Variants in DCC observed in about 807,000 individuals in gnomAD.
DCC encodes DCC netrin 1 receptor, also known as netrin receptor DCC.
DCC carries 58 observed loss-of-function variants against 172.5 expected under a neutral mutation model. That is an observed-to-expected ratio of 0.34 (90% CI 0.27 to 0.42). The LOEUF (loss-of-function observed/expected upper bound fraction) is 0.42, where lower values mean the gene tolerates loss of function less well. Ranked by LOEUF, DCC falls within the 10% of genes least tolerant of loss-of-function variation. The pLI is 1.00. For synonymous variants in DCC, 709 were observed against 644.5 expected, an observed-to-expected ratio of 1.10 and a Z score of -1.52; for missense variants, 1,740 against 1,791.0, an observed-to-expected ratio of 0.97 and a Z score of 0.51.
chr18:53,364,120 A>G (rs1181197360), intron 15 of DCC, among the ~76,000 whole-genome samples: 2 of 152,130 alleles, frequency 1.3e-5, no homozygotes, highest in Admixed American at 1.3e-4. Context: ...TTATGGTTGA[A>G]TAGAAAGAGC....
At chr18:53,215,391 ATC>A (rs2055830243) in intron 11 of DCC, among the ~76,000 whole-genome samples, 155 bp from the exon 12 acceptor site, 1 of 152,112 alleles carries the variant, frequency 6.6e-6, no homozygotes, top group African/African-American at 2.4e-5. Context: ...GTTATTTTTC[ATC>A]TCTCCAAAAA....
intron 5 of DCC, among the ~76,000 whole-genome samples, chr18:53,027,135 T>C (rs2041965938): frequency 6.6e-6 from 1 of 152,166 alleles, no homozygotes; most frequent in South Asian, 2.1e-4. Context: ...CATAACAGCC[T>C]GGAAAAGCAT....
intron 3 of DCC, among the ~76,000 whole-genome samples, chr18:52,909,227 TTACA>T (rs2039933021): frequency 6.6e-6 from 1 of 152,146 alleles, no homozygotes; most frequent in Non-Finnish European, 1.5e-5. Context: ...CAGTAATAAA[TTACA>T]TATATAATAC....
chr18:52,917,677 G>A (rs575725172), intron 3 of DCC, among the ~76,000 whole-genome samples: 3 of 152,292 alleles, frequency 2.0e-5, no homozygotes, highest in African/African-American at 4.8e-5. Flanking sequence ...GGCACCCTGT[G>A]TAGCCTGAGA....
chr18:52,654,778 G>A (rs543301749), intron 1 of DCC, among the ~76,000 whole-genome samples: 9 of 152,208 alleles, frequency 5.9e-5, no homozygotes, highest in African/African-American at 1.7e-4. Context: ...CTTCCCTGTA[G>A]GGTTAAATTT....
chr18:52,518,355 C>A (rs2031704011), intron 1 of DCC, among the ~76,000 whole-genome samples: 1 of 152,080 alleles, frequency 6.6e-6, no homozygotes, highest in Non-Finnish European at 1.5e-5. Flanking sequence ...TTGGACCTTG[C>A]AAGTTGCAAT....
At chr18:52,470,071 C>T (rs1024826853) in intron 1 of DCC, among the ~76,000 whole-genome samples, 9 of 152,172 alleles carry the variant, frequency 5.9e-5, no homozygotes, top group Non-Finnish European at 1.5e-5. Flanking sequence ...CACAGTCAGT[C>T]AAATATGTAT....
chr18:52,710,796 G>C (rs1447581890), intron 1 of DCC, among the ~76,000 whole-genome samples: 2 of 152,152 alleles, frequency 1.3e-5, no homozygotes, highest in Admixed American at 6.5e-5. Context: ...ATAAAGAACC[G>C]GCCAAAAGTA....
At chr18:53,275,222 A>G (rs1311209214) in intron 12 of DCC, among the ~76,000 whole-genome samples, 1 of 152,122 alleles carries the variant, frequency 6.6e-6, no homozygotes, top group Non-Finnish European at 1.5e-5. Context: ...AGAGAACAAC[A>G]TATACCCATA....
intron 7 of DCC, among the ~76,000 whole-genome samples, chr18:53,083,387 C>T (rs2144142352): frequency 6.6e-6 from 1 of 152,194 alleles, no homozygotes; most frequent in Non-Finnish European, 1.5e-5. Flanking sequence ...CATGAAAGAA[C>T]ACTGGCAATA....
At chr18:52,431,050 C>T (rs1325150468) in intron 1 of DCC, among the ~76,000 whole-genome samples, 1 of 152,154 alleles carries the variant, frequency 6.6e-6, no homozygotes, top group Admixed American at 6.5e-5. Flanking sequence ...AAAGGTACTT[C>T]CACTTGCCCT....
intron 2 of DCC, among the ~76,000 whole-genome samples, chr18:52,836,860 A>G (rs1368284525): frequency 6.6e-6 from 1 of 152,172 alleles, no homozygotes; most frequent in East Asian, 1.9e-4. Context: ...TTTCCCTTCT[A>G]TACTGCCCTA....
chr18:53,239,271 T>C (rs1012481760), intron 12 of DCC, among the ~76,000 whole-genome samples: 1 of 150,208 alleles, frequency 6.7e-6, no homozygotes, highest in Non-Finnish European at 1.5e-5. Flanking sequence ...TTCTCCATTT[T>C]ATAGTTACAG....
At chr18:53,318,664 C>T (rs1252799562) in intron 13 of DCC, among the ~76,000 whole-genome samples, 1 of 151,836 alleles carries the variant, frequency 6.6e-6, no homozygotes, top group South Asian at 2.1e-4. Flanking sequence ...TCTGGGTGCT[C>T]CTGTATTGGG....
intron 23 of DCC, among the ~76,000 whole-genome samples, chr18:53,455,869 A>C (rs562961625): frequency 1.6e-4 from 25 of 152,340 alleles, no homozygotes; most frequent in South Asian, 1.0e-3. Flanking sequence ...TTAAGCTTTC[A>C]ATGCCTCCCT....
chr18:52,771,825 T>C (rs2037348966), intron 2 of DCC, among the ~76,000 whole-genome samples: 1 of 149,138 alleles, frequency 6.7e-6, no homozygotes, highest in Admixed American at 6.8e-5. Context: ...GTAAGTTCAG[T>C]GCTTCTCAAA....
chr18:52,950,255 A>G (rs1318143961), intron 5 of DCC, among the ~76,000 whole-genome samples: 1 of 152,088 alleles, frequency 6.6e-6, no homozygotes, highest in Non-Finnish European at 1.5e-5. Context: ...ACTCTCTCTT[A>G]ATTGAAAACA....
In DCC at chr18:52,919,581, T is replaced by C. The variant is rs138053236; in HGVS notation, c.698-4126T>C. 2.3e-3 allele frequency among the ~76,000 whole-genome samples: 357 copies of C among 152,108 alleles called. 2 individuals carry two copies. Among genetic ancestry groups the C allele is most frequent in the African/African-American group, 8.3e-3 (343 of 41,524 alleles). On this transcript the variant is annotated intron_variant, in intron 3 of 28. Transcript: ENST00000442544. ...ATCACTGAAATGAGCCAAGTCAAGA[T>C]TGGAGTAATCTGGACCATATATGCT...
chr18:52,874,579 T>C (rs551861977), intron 2 of DCC, among the ~76,000 whole-genome samples: 1 of 152,344 alleles, frequency 6.6e-6, no homozygotes, highest in Non-Finnish European at 1.5e-5. Flanking sequence ...CTCCATCTTG[T>C]CTACATCATA....
Sources: allele counts gnomAD v4.1 joint callset (sites outside exome capture counted in the v4.1 genomes callset), GRCh38; gene constraint gnomAD v4.1.1; transcripts MANE v1.5; gene names NCBI Gene and HGNC (gene_info 2026-07-23, HGNC 2026-07-21).